The following ARPP19 variants were observed in gnomAD, a reference collection of about 807,000 sequenced individuals.
ARPP19 encodes cAMP regulated phosphoprotein 19.
In ARPP19, 8 loss-of-function variants were observed where a neutral mutation model predicts 12.0. The ratio of observed to expected loss-of-function variants is 0.67; its 90% confidence interval spans 0.39 to 1.21. The LOEUF (loss-of-function observed/expected upper bound fraction) is 1.21. ARPP19 is among the 50% of genes most tolerant of loss of function. The pLI is 0.01. For synonymous variants in ARPP19, 47 were observed against 50.4 expected, an observed-to-expected ratio of 0.93 and a Z score of 0.29; for missense variants, 102 against 136.3, an observed-to-expected ratio of 0.75 and a Z score of 1.25.
At position 52,551,137 on chromosome 15, in the gene ARPP19, T is replaced by G. The variant is rs1464528526; in HGVS notation, c.*797A>C. ...TGTGTAGGAACTCTTGTGCTTCTGG[T>G]TGGCACATTATCTACTTTTTAAGTA... On this transcript the variant is annotated 3_prime_UTR_variant, in exon 3 of 3. Transcript: ENST00000249822. The G allele has an allele frequency of 6.5e-6, 1 of 152,694 alleles. No individual in the cohort carries two copies. Among genetic ancestry groups the G allele is most frequent in the Non-Finnish European group, 1.5e-5 (1 of 68,046 alleles). The allele number at this position is 152,694 out of a possible 1,614,324, so 9.5% of individuals were successfully genotyped here.
At chr15:52,554,535 G>T (rs2077964649) in intron 2 of ARPP19, among the ~76,000 whole-genome samples, 1 of 152,066 alleles carries the variant, frequency 6.6e-6, no homozygotes, top group Admixed American at 6.6e-5. Context: ...AGTTTGTAAT[G>T]AAAATATTTA....
At chr15:52,564,113 G>T (rs2078059731) in intron 1 of ARPP19, 1 of 1,017,382 alleles carries the variant, frequency 9.8e-7, no homozygotes, top group Non-Finnish European at 1.5e-6. Context: ...AACAAAAGAA[G>T]CAACCCTAAC....
chr15:52,561,243 G>A (rs1423503490), intron 1 of ARPP19, among the ~76,000 whole-genome samples: 1 of 152,122 alleles, frequency 6.6e-6, no homozygotes, highest in Non-Finnish European at 1.5e-5. Context: ...AAAACAAAGG[G>A]GAGATAAGCC....
chr15:52,562,026 C>T (rs999283264), intron 1 of ARPP19, among the ~76,000 whole-genome samples: 1 of 151,168 alleles, frequency 6.6e-6, no homozygotes, highest in African/African-American at 2.4e-5. Flanking sequence ...AATCCTCCTG[C>T]CTTGGCCTCC....
chr15:52,569,147 A>G (rs1355621594), upstream of ARPP19: 10 of 512,904 alleles, frequency 1.9e-5, no homozygotes, highest in East Asian at 2.3e-4. Context: ...GCTGTCGTCC[A>G]AACACTTCCT....
At chr15:52,563,494 G>A (rs1260498391) in intron 1 of ARPP19, among the ~76,000 whole-genome samples, 1 of 152,128 alleles carries the variant, frequency 6.6e-6, no homozygotes, top group African/African-American at 2.4e-5. Context: ...TATTGTCTCG[G>A]CATGTGCATT....
At chr15:52,560,264 T>C (rs998265587) in intron 1 of ARPP19, among the ~76,000 whole-genome samples, 1 of 152,188 alleles carries the variant, frequency 6.6e-6, no homozygotes, top group African/African-American at 2.4e-5. Context: ...CCCAAAGTGC[T>C]GGATCACAGG....
intron 1 of ARPP19, among the ~76,000 whole-genome samples, chr15:52,560,457 T>C (rs1221581234): frequency 3.3e-5 from 5 of 152,256 alleles, no homozygotes; most frequent in Non-Finnish European, 5.9e-5. Context: ...AAGCCGATTC[T>C]TGAACTTTCT....
chr15:52,562,085 G>T (rs1337798097), intron 1 of ARPP19, among the ~76,000 whole-genome samples: 1 of 151,974 alleles, frequency 6.6e-6, no homozygotes, highest in Admixed American at 6.6e-5. Flanking sequence ...TAATAAAATG[G>T]CATGAAAATA....
chr15:52,552,043 A>G lies in ARPP19; in HGVS notation c.230T>C (p.Leu77Pro). Reference sequence around the variant, plus strand: ...CGTCTTATCCGGAGCTGCAGTAGGAAGTTGCTTGTTCTTCATTTTTGCTTT... The same window carrying G: ...CGTCTTATCCGGAGCTGCAGTAGGAGGTTGCTTGTTCTTCATTTTTGCTTT... ...MAKAKMKNKQLPTAAPDKTEV... is the reference protein window; with the variant it reads ...MAKAKMKNKQPPTAAPDKTEV... The change falls in exon 3 of 3, where the codon CTT becomes CCT. Residue 77 changes from leucine to proline, a missense_variant. By Grantham distance (98) the Leu-to-Pro change is moderately conservative. Transcript: ENST00000249822. 6.2e-7 allele frequency: 1 copy of G among 1,613,442 alleles called. No homozygotes were observed. Among genetic ancestry groups the G allele is most frequent in the Admixed American group, 1.7e-5 (1 of 60,008 alleles).
intron 2 of ARPP19, among the ~76,000 whole-genome samples, chr15:52,553,422 C>T (rs954047800): frequency 6.6e-6 from 1 of 152,166 alleles, no homozygotes; most frequent in African/African-American, 2.4e-5. Flanking sequence ...AACTAACCTA[C>T]TTGACTTCCA....
intron 1 of ARPP19, among the ~76,000 whole-genome samples, chr15:52,558,329 G>A (rs1376569191): frequency 6.6e-6 from 1 of 151,962 alleles, no homozygotes; most frequent in Non-Finnish European, 1.5e-5. Context: ...ACATGTCTGT[G>A]GTTCCAGCTA....
At chr15:52,562,936 C>T (rs550043231) in intron 1 of ARPP19, among the ~76,000 whole-genome samples, 3 of 145,590 alleles carry the variant, frequency 2.1e-5, no homozygotes, top group South Asian at 2.2e-4. Context: ...GGCACGATCT[C>T]GGCTCACTGC....
At chr15:52,557,045 C>T (rs961973779) in intron 2 of ARPP19, 55 bp downstream of exon 2, 24 of 1,580,448 alleles carry the variant, frequency 1.5e-5, no homozygotes, top group Non-Finnish European at 5.2e-6. Flanking sequence ...CACAATCTGT[C>T]AGCATACTGA....
In ARPP19 at chr15:52,568,859, C is replaced by T; in HGVS notation, c.34G>A (p.Glu12Lys). Residue 12 changes from glutamate (E) to lysine (K), a missense_variant, in exon 1 of 3, where the codon GAG (glutamate) becomes AAG (lysine). Transcript: ENST00000249822. ...SAEVPEAASAEEQKEMEDKVT... is the reference protein window; with the variant it reads ...SAEVPEAASAKEQKEMEDKVT... ...CCCCGCGCGCTCACCTTCTGCTCCT[C>T]CGCGGAGGCTGCCTCGGGGACTTCC... is the stretch of plus-strand genomic sequence containing the variant. 3 of 1,574,390 alleles carry T rather than the reference C, an allele frequency of 1.9e-6. No individual in the cohort carries two copies. The highest frequency in any genetic ancestry group is 2.6e-6 in the Non-Finnish European group (3 of 1,164,306).
At chr15:52,558,600 T>A (rs568431345) in intron 1 of ARPP19, among the ~76,000 whole-genome samples, 118 of 152,006 alleles carry the variant, frequency 7.8e-4, no homozygotes, top group African/African-American at 2.8e-3. Context: ...CAAAATCACA[T>A]ACCTCTGCCT....
chr15:52,556,953 A>G, intron 2 of ARPP19, 147 bp downstream of exon 2: 1 of 766,712 alleles, frequency 1.3e-6, no homozygotes. Flanking sequence ...ACTGCAAAAT[A>G]TTGGAAAAAC....
intron 1 of ARPP19, among the ~76,000 whole-genome samples, chr15:52,558,842 G>C (rs1229447491): frequency 6.6e-6 from 1 of 150,990 alleles, no homozygotes; most frequent in Admixed American, 6.6e-5. Flanking sequence ...CCACGGGGGG[G>C]AAAAAATTAC....
rs2077886626 is a variant in ARPP19, at chr15:52,547,355, AAAC to A, written c.*4576_*4578del. ...ACATGTTTTAACAAAAAGCAAAACAAAACAAAACAAAAAAACAAAACAAGGCAT... is the reference window on the plus strand; with the variant it reads ...ACATGTTTTAACAAAAAGCAAAACAAAAAACAAAAAAACAAAACAAGGCAT... On this transcript the variant is annotated 3_prime_UTR_variant, in exon 3 of 3. Transcript: ENST00000249822. The A allele has an allele frequency of 6.6e-6, 1 of 152,246 alleles. No individual in the cohort carries two copies. Among genetic ancestry groups the A allele is most frequent in the African/African-American group, 2.4e-5 (1 of 41,462 alleles). The allele number at this position is 152,246 out of a possible 1,614,324, so 9.4% of individuals were successfully genotyped here.
Sources: allele counts gnomAD v4.1 joint callset (sites outside exome capture counted in the v4.1 genomes callset), GRCh38; gene constraint gnomAD v4.1.1; transcripts MANE v1.5; gene names NCBI Gene and HGNC (gene_info 2026-07-23, HGNC 2026-07-21).